OSBPL10: variants seen among roughly 807,000 people sequenced by gnomAD.
OSBPL10 encodes oxysterol-binding protein-related protein 10.
OSBPL10 carries 49 observed loss-of-function variants against 81.7 expected under a neutral mutation model. The observed-to-expected ratio is 0.60, with a 90% CI of 0.48 to 0.76. The LOEUF is 0.76. Ranked by LOEUF, OSBPL10 falls within the 30% of genes least tolerant of loss-of-function variation. The pLI is 0.00. For synonymous variants in OSBPL10, 419 were observed against 383.6 expected (o/e 1.09, Z -1.08); for missense variants, 923 against 987.8 (o/e 0.93, Z 0.88).
chr3:31,789,883 C>T (rs931897419), intron 4 of OSBPL10, among the ~76,000 whole-genome samples: 1 of 152,126 alleles, frequency 6.6e-6, no homozygotes, highest in Admixed American at 6.5e-5. Flanking sequence ...TATACATTTG[C>T]AACTCTTTTA....
intron 4 of OSBPL10, among the ~76,000 whole-genome samples, chr3:31,825,727 A>T (rs796110055): frequency 2.6e-5 from 4 of 152,320 alleles, no homozygotes; most frequent in African/African-American, 9.6e-5. Flanking sequence ...GATTATGACT[A>T]CTTTCAAAAT....
chr3:32,025,508 C>A (rs1328344814), intron 2 of OSBPL10, among the ~76,000 whole-genome samples: 1 of 152,128 alleles, frequency 6.6e-6, no homozygotes, highest in East Asian at 1.9e-4. Context: ...CAGGTTAATG[C>A]TGCCCTCATT....
At chr3:31,808,934 T>C (rs765500861) in intron 4 of OSBPL10, among the ~76,000 whole-genome samples, 6 of 152,224 alleles carry the variant, frequency 3.9e-5, no homozygotes, top group Non-Finnish European at 7.3e-5. Context: ...TTAATACCTC[T>C]TCTGGACTTC....
intron 4 of OSBPL10, among the ~76,000 whole-genome samples, chr3:31,780,499 A>G (rs1559461820): frequency 6.6e-6 from 1 of 152,090 alleles, no homozygotes; most frequent in South Asian, 2.1e-4. Flanking sequence ...TGAAAAAAAA[A>G]ATACAAAAAA....
intron 4 of OSBPL10, among the ~76,000 whole-genome samples, chr3:31,755,887 G>A (rs1697873577): frequency 6.6e-6 from 1 of 152,212 alleles, no homozygotes; most frequent in Non-Finnish European, 1.5e-5. Context: ...GCCTTCTGCA[G>A]TTCCAAGAAA....
At chr3:32,027,777 C>T (rs1403104987) in intron 2 of OSBPL10, among the ~76,000 whole-genome samples, 1 of 152,188 alleles carries the variant, frequency 6.6e-6, no homozygotes, top group Non-Finnish European at 1.5e-5. Context: ...TACAGGTGCA[C>T]ATCACTGTGC....
At position 31,912,034 on chromosome 3, in the gene OSBPL10, G is replaced by A. The variant is rs181845622; in HGVS notation, c.282-32204C>T. On this transcript the variant is annotated intron_variant, in intron 1 of 11. Transcript: ENST00000396556. ...ACTTAATGCCACGGTACAGTATGCC[G>A]AAAAAAACAGTTAAAATGATAAATT... Among the ~76,000 whole-genome samples the A allele has an allele frequency of 2.3e-3, 344 of 151,524 alleles. 2 individuals carry two copies. The highest frequency in any genetic ancestry group is 8.0e-3 in the African/African-American group (329 of 41,282).
intron 6 of OSBPL10, among the ~76,000 whole-genome samples, chr3:31,703,167 C>T (rs1695953039): frequency 6.6e-6 from 1 of 152,152 alleles, no homozygotes; most frequent in South Asian, 2.1e-4. Flanking sequence ...TCACTCAATT[C>T]CAATTTTTCA....
intron 1 of OSBPL10, among the ~76,000 whole-genome samples, chr3:31,931,308 C>A (rs1349636421): frequency 1.3e-5 from 2 of 152,136 alleles, no homozygotes; most frequent in Non-Finnish European, 2.9e-5. Flanking sequence ...CAGCCCCCAA[C>A]CACTTATTAA....
intron 1 of OSBPL10, among the ~76,000 whole-genome samples, chr3:31,956,410 C>T (rs1190468685): frequency 1.3e-5 from 2 of 152,174 alleles, no homozygotes; most frequent in Non-Finnish European, 2.9e-5. Context: ...AGAGGGACAA[C>T]AGAGCACATA....
intron 5 of OSBPL10, among the ~76,000 whole-genome samples, chr3:31,736,159 TC>T (rs1204610975): frequency 1.3e-5 from 2 of 152,098 alleles, no homozygotes; most frequent in Non-Finnish European, 2.9e-5. Context: ...GGTAAAGAGC[TC>T]CAGTTTTGCA....
intron 1 of OSBPL10, among the ~76,000 whole-genome samples, chr3:31,886,390 G>T (rs1403632021): frequency 6.6e-6 from 1 of 152,104 alleles, no homozygotes; most frequent in Non-Finnish European, 1.5e-5. Context: ...GTCAAGTCCA[G>T]GGCCATGAAG....
chr3:31,688,372 T>A (rs537865777), intron 7 of OSBPL10, among the ~76,000 whole-genome samples: 109 of 150,100 alleles, frequency 7.3e-4, no homozygotes, highest in African/African-American at 2.5e-3. Context: ...AAAAAGCTCA[T>A]CAGCTCAAGT....
At chr3:31,858,742 G>A (rs1293078672) in intron 3 of OSBPL10, among the ~76,000 whole-genome samples, 1 of 152,184 alleles carries the variant, frequency 6.6e-6, no homozygotes. Flanking sequence ...GATGCACAAT[G>A]TGAACAAGGC....
intron 5 of OSBPL10, among the ~76,000 whole-genome samples, chr3:31,734,208 A>C (rs935501603): frequency 6.6e-6 from 1 of 152,140 alleles, no homozygotes; most frequent in Non-Finnish European, 1.5e-5. Context: ...CCCATCACCA[A>C]GGACACAGGT....
chr3:31,910,091 T>C (rs1292630542), intron 1 of OSBPL10, among the ~76,000 whole-genome samples: 2 of 151,284 alleles, frequency 1.3e-5, no homozygotes, highest in Non-Finnish European at 2.9e-5. Context: ...AAGCGATTCT[T>C]CTGCCTCAGC....
intron 5 of OSBPL10, among the ~76,000 whole-genome samples, chr3:31,744,387 A>G (rs911495197): frequency 6.6e-6 from 1 of 151,956 alleles, no homozygotes; most frequent in Non-Finnish European, 1.5e-5. Context: ...CTAAAAATAC[A>G]AAAATTAGCC....
rs184117739 is a variant in OSBPL10 at position 31,678,371 on chromosome 3, T to C, written c.1726+5263A>G. ...AGAAGGGAAAGATGAACACATTGTG[T>C]GGGGAAGAGAGAATAACCAGCTTTA... On this transcript the variant is annotated intron_variant, in intron 8 of 11. Coordinates refer to ENST00000396556, the MANE Select transcript of OSBPL10 (RefSeq NM_017784.5). 1.5e-4 allele frequency among the ~76,000 whole-genome samples: 23 copies of C among 152,182 alleles called. No individual in the cohort carries two copies. The East Asian group carries it at 4.5e-3, about 29-fold the overall frequency.
intron 1 of OSBPL10, among the ~76,000 whole-genome samples, chr3:31,912,603 T>C (rs142144331): frequency 6.4e-4 from 97 of 152,250 alleles, no homozygotes; most frequent in African/African-American, 2.2e-3. Context: ...ATCATCAACA[T>C]TTCCTCTTGA....
Sources: allele counts gnomAD v4.1 joint callset (sites outside exome capture counted in the v4.1 genomes callset), GRCh38; gene constraint gnomAD v4.1.1; transcripts MANE v1.5; gene names NCBI Gene and HGNC (gene_info 2026-07-23, HGNC 2026-07-21).